VRK2: variants seen among roughly 807,000 people sequenced by gnomAD.
VRK2 encodes the protein VRK serine/threonine kinase 2.
VRK2 carries 60 observed loss-of-function variants against 57.6 expected under a neutral mutation model. That is an observed-to-expected ratio of 1.04 (90% CI 0.85 to 1.29). The LOEUF (loss-of-function observed/expected upper bound fraction) is 1.29. Ranked by LOEUF, VRK2 falls within the 50% of genes most tolerant of loss-of-function variation. The pLI is 0.00. For missense variants in VRK2, 705 were observed against 588.1 expected (o/e 1.20, Z -2.06); for synonymous variants, 231 against 199.2 (o/e 1.16, Z -1.35).
At chr2:58,084,525 A>G (rs184648103) in intron 3 of VRK2, among the ~76,000 whole-genome samples, 6 of 151,884 alleles carry the variant, frequency 4.0e-5, no homozygotes, top group Non-Finnish European at 7.4e-5. Context: ...AGTGGACCAC[A>G]AGGAGAGTTT....
At chr2:58,048,742 TGAA>T in intron 1 of VRK2, 82 bp from the exon 2 acceptor site, 1 of 1,537,186 alleles carries the variant, frequency 6.5e-7, no homozygotes, top group Non-Finnish European at 8.8e-7. Context: ...AGTTCCCTAT[TGAA>T]GACATTTTGG....
At chr2:58,042,491 T>C (rs549677230), upstream of VRK2, among the ~76,000 whole-genome samples, 2 of 152,226 alleles carry the variant, frequency 1.3e-5, no homozygotes, top group Non-Finnish European at 2.9e-5. Context: ...TTCACTGATA[T>C]GATCTCCTTA....
chr2:58,136,609 C>T (rs989092926), intron 10 of VRK2, among the ~76,000 whole-genome samples: 19 of 151,638 alleles, frequency 1.3e-4, no homozygotes, highest in African/African-American at 4.1e-4. Context: ...TGGTCTCAAA[C>T]TCCTGACCTC....
At chr2:57,925,418 C>T (rs1670499598) in intron 1 of VRK2, among the ~76,000 whole-genome samples, 2 of 152,040 alleles carry the variant, frequency 1.3e-5, no homozygotes, top group South Asian at 4.1e-4. Flanking sequence ...CCTTATGATT[C>T]AATCTTGGTA....
At chr2:58,024,020 C>A (rs1673844697) in intron 1 of VRK2, among the ~76,000 whole-genome samples, 1 of 150,662 alleles carries the variant, frequency 6.6e-6, no homozygotes, top group Admixed American at 6.6e-5. Flanking sequence ...ACTCTGTAGC[C>A]CAGGCTGGAG....
At chr2:58,069,442 G>T (rs1328367012) in intron 2 of VRK2, among the ~76,000 whole-genome samples, 5 of 152,074 alleles carry the variant, frequency 3.3e-5, no homozygotes, top group Admixed American at 3.3e-4. Flanking sequence ...TCCCTCCATG[G>T]TCTCCTTGGT....
Position 58,145,445 on chromosome 2 carries a change from A to T in VRK2, c.1024-871A>T, listed in dbSNP as rs116556042. ...CTCACTTCAATGATAGAAAACTAAG[A>T]TTTTAATTAATAAGAATTTAAACTA... On this transcript the variant is annotated intron_variant, in intron 11 of 12. Transcript: ENST00000340157. Among the ~76,000 whole-genome samples the T allele has an allele frequency of 7.2e-3, 1,098 of 152,084 alleles. 8 individuals carry two copies. The highest frequency in any genetic ancestry group is 0.024 in the African/African-American group (1,002 of 41,510).
chr2:57,927,396 C>T (rs1175583414), intron 1 of VRK2, among the ~76,000 whole-genome samples: 2 of 151,822 alleles, frequency 1.3e-5, no homozygotes, highest in African/African-American at 4.8e-5. Flanking sequence ...CCTGCCTCAG[C>T]CTCCTGAGTA....
intron 1 of VRK2, among the ~76,000 whole-genome samples, chr2:57,961,227 A>T (rs1281158605): frequency 6.6e-6 from 1 of 152,214 alleles, no homozygotes; most frequent in Non-Finnish European, 1.5e-5. Flanking sequence ...TAAAAAGGTG[A>T]CATATGAAGA....
intron 1 of VRK2, among the ~76,000 whole-genome samples, chr2:57,942,111 G>T (rs1055685846): frequency 1.3e-5 from 2 of 152,134 alleles, no homozygotes; most frequent in African/African-American, 2.4e-5. Context: ...GAAACACACT[G>T]TACGAAACAA....
At chr2:58,137,851 A>T (rs181692757) in intron 10 of VRK2, among the ~76,000 whole-genome samples, 10 of 152,332 alleles carry the variant, frequency 6.6e-5, no homozygotes, top group African/African-American at 2.4e-4. Flanking sequence ...TAAATTTTAA[A>T]ATGTACTTAA....
intron 4 of VRK2, among the ~76,000 whole-genome samples, chr2:58,085,877 T>C (rs1196757179): frequency 6.6e-5 from 10 of 151,198 alleles, no homozygotes; most frequent in Non-Finnish European, 8.9e-5. Context: ...AGTTTTTGTA[T>C]AAAGTAATTT....
intron 2 of VRK2, among the ~76,000 whole-genome samples, chr2:58,051,386 C>A (rs1675719315): frequency 6.6e-6 from 1 of 151,548 alleles, no homozygotes; most frequent in African/African-American, 2.4e-5. Context: ...TGTAACTGTT[C>A]CATTAAAAGT....
chr2:58,045,807 G>A (rs991129907), upstream of VRK2, among the ~76,000 whole-genome samples: 2 of 152,084 alleles, frequency 1.3e-5, no homozygotes, highest in African/African-American at 4.8e-5. Context: ...CTAAGCATTT[G>A]TTTGGTTTAG....
At chr2:57,996,655 A>G (rs951145735) in intron 1 of VRK2, among the ~76,000 whole-genome samples, 2 of 152,212 alleles carry the variant, frequency 1.3e-5, no homozygotes, top group African/African-American at 2.4e-5. Flanking sequence ...AAGTCTCTAG[A>G]CTTTAGAAGT....
At chr2:57,961,432 T>G (rs905725025) in intron 1 of VRK2, among the ~76,000 whole-genome samples, 1 of 152,080 alleles carries the variant, frequency 6.6e-6, no homozygotes, top group Non-Finnish European at 1.5e-5. Context: ...GTCACAGATA[T>G]AGTAAGATAA....
intron 8 of VRK2, among the ~76,000 whole-genome samples, chr2:58,125,196 T>C (rs1678145797): frequency 6.6e-6 from 1 of 152,080 alleles, no homozygotes. Context: ...TGATCTAGTT[T>C]TGAGTAGTGG....
intron 2 of VRK2, among the ~76,000 whole-genome samples, chr2:58,082,257 T>C (rs1399873968): frequency 6.6e-6 from 1 of 151,932 alleles, no homozygotes; most frequent in Non-Finnish European, 1.5e-5. Context: ...GAGTCAGGCC[T>C]TGGACTGGTT....
chr2:58,086,869 C>G (rs1398116265), intron 5 of VRK2, among the ~76,000 whole-genome samples: 1 of 152,122 alleles, frequency 6.6e-6, no homozygotes, highest in East Asian at 1.9e-4. Context: ...AGCATGCACA[C>G]AAGTGCATTC....
Sources: gnomAD v4.1 joint callset for allele counts (sites outside exome capture counted in the v4.1 genomes callset) on GRCh38, gnomAD v4.1.1 for gene constraint, MANE v1.5 for transcripts, NCBI Gene and HGNC (gene_info 2026-07-23, HGNC 2026-07-21) for gene names.